Variants in VOPP1 observed in about 807,000 individuals in gnomAD.
VOPP1 encodes the protein VOPP1 WW domain binding protein, also known as WW domain binding protein VOPP1.
VOPP1 carries 8 observed loss-of-function variants against 23.5 expected under a neutral mutation model. The ratio of observed to expected loss-of-function variants is 0.34; its 90% CI spans 0.20 to 0.61. The LOEUF is 0.61. Ranked by LOEUF, VOPP1 falls within the 20% of genes least tolerant of loss-of-function variation. VOPP1 has a pLI of 0.78. For missense variants in VOPP1, 174 were observed against 238.1 expected (o/e 0.73, Z 1.77); for synonymous variants, 83 against 97.3 (o/e 0.85, Z 0.86).
intron 2 of VOPP1, among the ~76,000 whole-genome samples, chr7:55,507,872 G>C (rs1185478071): frequency 1.3e-5 from 2 of 152,146 alleles, no homozygotes; most frequent in Non-Finnish European, 1.5e-5. Flanking sequence ...TCTAAGGAGG[G>C]GGCCATCACT....
chr7:55,536,458 G>A (rs985004362), intron 1 of VOPP1, among the ~76,000 whole-genome samples: 2 of 152,148 alleles, frequency 1.3e-5, no homozygotes, highest in African/African-American at 4.8e-5. Context: ...GAACCCTGGA[G>A]GCAGAGGTTG....
At chr7:55,456,437 C>T (rs531460535) in intron 4 of VOPP1, among the ~76,000 whole-genome samples, 2 of 152,306 alleles carry the variant, frequency 1.3e-5, no homozygotes, top group South Asian at 4.1e-4. Context: ...ACCCAGCAAT[C>T]CCATTACTGG....
intron 3 of VOPP1, among the ~76,000 whole-genome samples, chr7:55,495,981 G>A (rs79417970): frequency 0.015 from 2,246 of 152,270 alleles, 28 homozygotes; most frequent in Middle Eastern, 0.034. Context: ...GTGCTGCCTC[G>A]CCAAGGTGTC....
intron 1 of VOPP1, among the ~76,000 whole-genome samples, chr7:55,568,930 C>T (rs73141740): frequency 0.093 from 14,197 of 152,156 alleles, 956 homozygotes; most frequent in East Asian, 0.28. Context: ...AGCCAGCTGG[C>T]GGAACAAAGG....
chr7:55,435,291 A>C (rs1399691914), downstream of VOPP1, among the ~76,000 whole-genome samples: 1 of 152,156 alleles, frequency 6.6e-6, no homozygotes, highest in Non-Finnish European at 1.5e-5. Context: ...AAAAAGGTGA[A>C]GTTTCAGGCT....
rs1264090269 is a variant in VOPP1, at chr7:55,476,691, A to G, written c.329-3646T>C. Among the ~76,000 whole-genome samples, 11 of 152,224 alleles carry G rather than the reference A, an allele frequency of 7.2e-5. No individual in the cohort carries two copies. In the East Asian group the frequency reaches 1.9e-3, roughly 27 times the overall value. On this transcript the variant is annotated intron_variant, in intron 4 of 4. Transcript: ENST00000285279. The stretch of plus-strand genomic sequence containing the variant: ...GTCTCACCTCTCCTCCTCTCCAGCC[A>G]TGCCCTGGCTTCCCTGCTCTGTCCC...
intron 1 of VOPP1, among the ~76,000 whole-genome samples, chr7:55,540,646 G>A (rs1334031978): frequency 1.3e-5 from 2 of 152,134 alleles, no homozygotes; most frequent in Admixed American, 1.3e-4. Flanking sequence ...AGTTCCATGT[G>A]TATGGACTCA....
At chr7:55,502,259 T>C (rs1359503313) in intron 2 of VOPP1, among the ~76,000 whole-genome samples, 1 of 152,248 alleles carries the variant, frequency 6.6e-6, no homozygotes, top group African/African-American at 2.4e-5. Context: ...CGTCCTAGAA[T>C]ATTTGGAGTA....
At chr7:55,554,676 G>C (rs1474528438) in intron 1 of VOPP1, among the ~76,000 whole-genome samples, 1 of 152,232 alleles carries the variant, frequency 6.6e-6, no homozygotes, top group African/African-American at 2.4e-5. Context: ...CGGAGCTTTG[G>C]GGAAAGGGTG....
chr7:55,536,959 G>A (rs1334337596), intron 1 of VOPP1, among the ~76,000 whole-genome samples: 1 of 152,218 alleles, frequency 6.6e-6, no homozygotes, highest in Admixed American at 6.5e-5. Context: ...GCACCACCAG[G>A]GGAAGGTGGG....
intron 1 of VOPP1, among the ~76,000 whole-genome samples, chr7:55,557,565 G>A (rs916630798): frequency 4.6e-5 from 7 of 151,762 alleles, no homozygotes; most frequent in African/African-American, 1.5e-4. Flanking sequence ...TGAAAATTCC[G>A]ATTCTTCAGG....
intron 4 of VOPP1, among the ~76,000 whole-genome samples, chr7:55,461,610 G>A (rs1791502521): frequency 6.6e-6 from 1 of 152,070 alleles, no homozygotes; most frequent in Non-Finnish European, 1.5e-5. Context: ...TAGAGACACG[G>A]TTTCACCATG....
At chr7:55,565,468 G>C (rs1288686383) in intron 1 of VOPP1, among the ~76,000 whole-genome samples, 2 of 152,138 alleles carry the variant, frequency 1.3e-5, no homozygotes, top group African/African-American at 4.8e-5. Flanking sequence ...TAATCAGTTG[G>C]ATAAAACCAA....
chr7:55,483,541 G>A (rs1017228873), intron 4 of VOPP1, among the ~76,000 whole-genome samples: 4 of 152,030 alleles, frequency 2.6e-5, no homozygotes, highest in Non-Finnish European at 4.4e-5. Flanking sequence ...GGCCAAATAG[G>A]GCAGTGCCTC....
chr7:55,552,908 A>C, intron 1 of VOPP1: 1 of 1,134,982 alleles, frequency 8.8e-7, no homozygotes, highest in Non-Finnish European at 1.2e-6. Flanking sequence ...AGAAAAAATT[A>C]TACGTGCTGC....
intron 1 of VOPP1, among the ~76,000 whole-genome samples, chr7:55,545,981 C>A (rs1173385233): frequency 6.6e-6 from 1 of 152,098 alleles, no homozygotes; most frequent in Non-Finnish European, 1.5e-5. Flanking sequence ...GTGGGAGGAC[C>A]ACCTGAGCCT....
chr7:55,461,889 T>C (rs1462389259), intron 4 of VOPP1, among the ~76,000 whole-genome samples: 2 of 152,238 alleles, frequency 1.3e-5, no homozygotes, highest in Non-Finnish European at 2.9e-5. Flanking sequence ...TGGTTTTCTG[T>C]AGTGGTAACA....
intron 4 of VOPP1, among the ~76,000 whole-genome samples, chr7:55,443,598 T>C (rs542634280): frequency 2.0e-5 from 3 of 150,916 alleles, no homozygotes; most frequent in South Asian, 2.1e-4. Context: ...AACAGATAAA[T>C]GTAAATACTG....
At chr7:55,553,093 C>T (rs528242796) in intron 1 of VOPP1, among the ~76,000 whole-genome samples, 1 of 152,272 alleles carries the variant, frequency 6.6e-6, no homozygotes, top group East Asian at 1.9e-4. Context: ...TGTCAATCTT[C>T]CTAAAATAAA....
Sources: allele counts gnomAD v4.1 joint callset (sites outside exome capture counted in the v4.1 genomes callset), GRCh38; gene constraint gnomAD v4.1.1; transcripts MANE v1.5; gene names NCBI Gene and HGNC (gene_info 2026-07-23, HGNC 2026-07-21).